The following FLT3 variants were observed in gnomAD, a reference collection of about 807,000 sequenced individuals.
FLT3 encodes the protein receptor-type tyrosine-protein kinase FLT3.
FLT3 carries 46 observed loss-of-function variants against 126.6 expected under a neutral mutation model. That is an observed-to-expected ratio of 0.36 (90% CI 0.29 to 0.46). FLT3 has a LOEUF of 0.46. FLT3 is among the 20% of genes least tolerant of loss of function. FLT3 has a pLI of 1.00. For missense variants in FLT3, 1,069 were observed against 1,190.3 expected (o/e 0.90, Z 1.50); for synonymous variants, 404 against 434.4 (o/e 0.93, Z 0.87).
chr13:28,033,744 A>G (rs1203244436), intron 15 of FLT3, 143 bp downstream of exon 15: 1 of 659,608 alleles, frequency 1.5e-6, no homozygotes, highest in East Asian at 2.6e-5. Context: ...GACTGGGTTG[A>G]CACCCCAATC....
rs373391183 is a variant in FLT3, at chr13:28,009,799, C to G, written c.2859+4653G>C. On this transcript the variant is annotated intron_variant, in intron 23 of 23. Coordinates refer to ENST00000241453, the MANE Select transcript of FLT3 (RefSeq NM_004119.3). ...CTGGCCTTGAACTCCTGAGCTCAAT[C>G]TATGTTTGTGCCTCAGCCTCCCAGA... Among the ~76,000 whole-genome samples, 59 of 152,224 alleles carry G rather than the reference C, an allele frequency of 3.9e-4. 1 individual carries two copies. The South Asian group carries it at 0.012, about 31-fold the overall frequency.
At chr13:28,093,651 C>G (rs1463087261) in intron 1 of FLT3, among the ~76,000 whole-genome samples, 1 of 152,150 alleles carries the variant, frequency 6.6e-6, no homozygotes, top group East Asian at 1.9e-4. Context: ...CCTCTTCTTT[C>G]TCTGACAAGT....
At position 28,023,421 on chromosome 13, in the gene FLT3, G is replaced by A. The variant is rs2137639831; in HGVS notation, c.2347C>T (p.Leu783Phe). The change falls in exon 19 of 24, where the codon CTT becomes TTT. Residue 783 changes from leucine (L) to phenylalanine (F), a missense_variant. Transcript: ENST00000241453. ...RLEEEEDLNV[L>F]TFEDLLCFAY... ...AAGCAAAGAAGATCTTCAAATGTAA[G>A]CACATTCAAGTCCTCCTCTTCTTCC... is the stretch of plus-strand genomic sequence containing the variant. 1.2e-6 allele frequency: 2 copies of A among 1,613,624 alleles called. No individual in the cohort carries two copies. Among genetic ancestry groups the A allele is most frequent in the Non-Finnish European group, 8.5e-7 (1 of 1,179,602 alleles).
intron 19 of FLT3, 71 bp downstream of exon 19, chr13:28,023,279 C>T: frequency 6.7e-7 from 1 of 1,488,722 alleles, no homozygotes; most frequent in Non-Finnish European, 9.1e-7. Context: ...TTAAAATAAA[C>T]AAGAAAACAT....
At chr13:28,054,891 G>A (rs1394740953) in intron 4 of FLT3, among the ~76,000 whole-genome samples, 1 of 152,134 alleles carries the variant, frequency 6.6e-6, no homozygotes, top group Non-Finnish European at 1.5e-5. Flanking sequence ...TTCCAAAAAT[G>A]AAATGCCTAC....
chr13:28,063,063 T>A (rs111253099), intron 2 of FLT3, among the ~76,000 whole-genome samples: 3,187 of 65,418 alleles, frequency 0.049, 98 homozygotes, highest in African/African-American at 0.11. Context: ...GGTATATAGA[T>A]AAAAATTTAT....
chr13:28,045,994 A>G (rs1035890801), intron 9 of FLT3, among the ~76,000 whole-genome samples: 5 of 149,598 alleles, frequency 3.3e-5, no homozygotes, highest in Non-Finnish European at 5.9e-5. Flanking sequence ...GTGTCTGGAG[A>G]TATTTTTGGT....
chr13:28,076,856 A>T (rs1179575153), intron 1 of FLT3, among the ~76,000 whole-genome samples: 1 of 151,814 alleles, frequency 6.6e-6, no homozygotes, highest in Non-Finnish European at 1.5e-5. Flanking sequence ...CAACCCAGGG[A>T]GGTCAAGGCT....
chr13:28,068,919 G>A (rs953626588), intron 2 of FLT3, among the ~76,000 whole-genome samples: 4 of 152,100 alleles, frequency 2.6e-5, no homozygotes, highest in Admixed American at 1.3e-4. Context: ...AGCTTCCCTT[G>A]AGTAAATTTA....
intron 9 of FLT3, among the ~76,000 whole-genome samples, chr13:28,046,400 A>T (rs1874883161): frequency 1.3e-5 from 2 of 152,170 alleles, no homozygotes; most frequent in Admixed American, 1.3e-4. Flanking sequence ...CCTACTCTTC[A>T]TCTAGAACAG....
Position 28,099,696 on chromosome 13 carries a change from T to C in FLT3, c.43+772A>G, listed in dbSNP as rs939248730. Among the ~76,000 whole-genome samples the C allele has an allele frequency of 4.6e-5, 7 of 151,840 alleles. No individual in the cohort carries two copies. In the East Asian group the frequency reaches 7.7e-4, roughly 17 times the overall value. ...GATTCAGTCCTCTCATCTTTCCAAA[T>C]AGAAAGCTGACGCGAACCGATGGGA... is the stretch of plus-strand genomic sequence containing the variant. On this transcript the variant is annotated intron_variant, in intron 1 of 23. Transcript: ENST00000241453.
chr13:28,048,798 C>G (rs1486271274), intron 8 of FLT3, among the ~76,000 whole-genome samples: 1 of 152,182 alleles, frequency 6.6e-6, no homozygotes, highest in East Asian at 1.9e-4. Flanking sequence ...ATCTGGCTAG[C>G]AATATTCACG....
chr13:28,031,462 A>G (rs1213243844), intron 15 of FLT3, among the ~76,000 whole-genome samples: 1 of 152,122 alleles, frequency 6.6e-6, no homozygotes, highest in African/African-American at 2.4e-5. Flanking sequence ...AGCACCACAG[A>G]CACAGACCCT....
intron 1 of FLT3, among the ~76,000 whole-genome samples, chr13:28,096,570 G>T (rs376373066): frequency 6.6e-6 from 1 of 151,922 alleles, no homozygotes; most frequent in African/African-American, 2.4e-5. Flanking sequence ...CCAAGTAGCT[G>T]GGATTACAAG....
intron 1 of FLT3, among the ~76,000 whole-genome samples, chr13:28,098,650 C>G (rs1354280417): frequency 1.3e-5 from 2 of 151,956 alleles, no homozygotes; most frequent in East Asian, 3.9e-4. Context: ...TTATGTCCAC[C>G]ATATATAAAA....
intron 1 of FLT3, among the ~76,000 whole-genome samples, chr13:28,093,519 A>C (rs972802028): frequency 4.6e-5 from 7 of 152,184 alleles, no homozygotes; most frequent in African/African-American, 1.7e-4. Flanking sequence ...CAACTTTATA[A>C]ATGATAGTTA....
At chr13:28,069,794 A>G (rs923000876) in intron 2 of FLT3, among the ~76,000 whole-genome samples, 5 of 152,150 alleles carry the variant, frequency 3.3e-5, no homozygotes, top group African/African-American at 1.2e-4. Flanking sequence ...ATTAGGTATT[A>G]TAAGTAATCT....
rs587778372 is a variant in FLT3 at position 28,048,299 on chromosome 13, T to C, written c.1181A>G (p.Gln394Arg). The part of the protein sequence containing the change: ...TFSRKSFPCE[Q>R]KGLDNGYSIS... ...CCTGTATCCGTTATCAAGACCCTTT[T>C]GCTCACAAGGAAATGATTTTCGAGA... Residue 394 changes from glutamine to arginine, a missense_variant, in exon 9 of 24, where the codon CAA becomes CGA. Physicochemically the swap from Gln to Arg is conservative, Grantham distance 43. Coordinates refer to ENST00000241453, the MANE Select transcript of FLT3 (RefSeq NM_004119.3). 3.1e-6 allele frequency: 5 copies of C among 1,613,922 alleles called. No individual in the cohort carries two copies. Among genetic ancestry groups the C allele is most frequent in the Middle Eastern group, 1.6e-4 (1 of 6,062 alleles).
chr13:28,089,820 C>T (rs529235013), intron 1 of FLT3, among the ~76,000 whole-genome samples: 1 of 151,532 alleles, frequency 6.6e-6, no homozygotes, highest in South Asian at 2.1e-4. Flanking sequence ...CTGCAACCTC[C>T]ACCTCCTGGG....
Sources: gnomAD v4.1 joint callset for allele counts (sites outside exome capture counted in the v4.1 genomes callset) on GRCh38, gnomAD v4.1.1 for gene constraint, MANE v1.5 for transcripts, NCBI Gene and HGNC (gene_info 2026-07-23, HGNC 2026-07-21) for gene names.